Variants in NHS observed in about 807,000 individuals in gnomAD.
The protein encoded by NHS is NHS actin remodeling regulator.
A neutral mutation model predicts 72.5 loss-of-function variants in NHS; 5 were observed. The observed-to-expected ratio is 0.07, with a 90% CI of 0.04 to 0.14. The LOEUF (loss-of-function observed/expected upper bound fraction) is 0.14. Ranked by LOEUF, NHS falls within the 10% of genes least tolerant of loss-of-function variation. The probability of loss-of-function intolerance (pLI) is 1.00; values close to 1 mark genes in which losing one functional copy is unlikely to be tolerated. For missense variants in NHS, 1,072 were observed against 1,355.7 expected (o/e 0.79, Z 3.29); for synonymous variants, 464 against 547.7 (o/e 0.85, Z 2.13).
At chrX:17,687,310 C>T (rs1313297742) in intron 1 of NHS, 1 of 217,339 alleles carries the variant, frequency 4.6e-6, no homozygotes, top group African/African-American at 2.9e-5. Context: ...AGAACTACAG[C>T]TCTGAGGCCC....
At chrX:17,622,145 T>A (rs1001737936) in intron 1 of NHS, among the ~76,000 whole-genome samples, 3 of 112,070 alleles carry the variant, frequency 2.7e-5, no homozygotes, top group Non-Finnish European at 5.6e-5. Context: ...TGACTGAGTG[T>A]GTCTGAATTC....
At chrX:17,454,322 G>C (rs2064817490) in intron 1 of NHS, among the ~76,000 whole-genome samples, 1 of 111,805 alleles carries the variant, frequency 8.9e-6, no homozygotes, top group Non-Finnish European at 1.9e-5. Flanking sequence ...GAAAACATGG[G>C]CTACAGCAAG....
chrX:17,686,446 C>T (rs1014863407), intron 1 of NHS, among the ~76,000 whole-genome samples: 3 of 111,935 alleles, frequency 2.7e-5, no homozygotes, highest in African/African-American at 9.8e-5. Context: ...GTCACCTTGG[C>T]CCAGCCCTGT....
chrX:17,635,428 A>C, intron 1 of NHS: 2 of 1,163,153 alleles, frequency 1.7e-6, no homozygotes, highest in Admixed American at 5.2e-5. Flanking sequence ...TCCTTGCAGA[A>C]GGTTGCCCTC....
intron 1 of NHS, among the ~76,000 whole-genome samples, chrX:17,518,303 G>A (rs548686275): frequency 8.9e-6 from 1 of 112,116 alleles, no homozygotes; most frequent in Admixed American, 9.4e-5. Context: ...GCAAAGATGG[G>A]GATGTGTCAA....
At chrX:17,473,847 G>A (rs2064902359) in intron 1 of NHS, among the ~76,000 whole-genome samples, 1 of 111,302 alleles carries the variant, frequency 9.0e-6, no homozygotes, top group African/African-American at 3.3e-5. Flanking sequence ...TTTTTATGTG[G>A]TTATTACATA....
intron 1 of NHS, among the ~76,000 whole-genome samples, chrX:17,663,256 A>G (rs777799320): frequency 3.6e-5 from 4 of 111,940 alleles, no homozygotes; most frequent in Non-Finnish European, 5.6e-5. Flanking sequence ...TAATTTACAT[A>G]CAGTTGAGTT....
chrX:17,716,271 T>C (rs193257525), intron 3 of NHS, among the ~76,000 whole-genome samples: 1 of 112,036 alleles, frequency 8.9e-6, no homozygotes, highest in East Asian at 2.8e-4. Flanking sequence ...GGAAAAAATA[T>C]TCAACAGGAG....
chrX:17,705,912 A>G (rs1461976369), intron 3 of NHS, among the ~76,000 whole-genome samples: 1 of 112,334 alleles, frequency 8.9e-6, no homozygotes. Context: ...AAGGTCATGA[A>G]AAACAAAGAC....
intron 1 of NHS, among the ~76,000 whole-genome samples, chrX:17,523,065 G>A: frequency 8.9e-6 from 1 of 112,343 alleles, no homozygotes; most frequent in Non-Finnish European, 1.9e-5. Flanking sequence ...ACTCACATTG[G>A]TGACTGTCTT....
At chrX:17,527,265 C>T (rs1286872500) in intron 1 of NHS, among the ~76,000 whole-genome samples, 3 of 113,077 alleles carry the variant, frequency 2.7e-5, no homozygotes, top group East Asian at 5.6e-4. Flanking sequence ...CCTTGGAGGG[C>T]TCTGCAGTGG....
intron 1 of NHS, among the ~76,000 whole-genome samples, chrX:17,497,023 T>G (rs1156954153): frequency 8.9e-6 from 1 of 111,905 alleles, no homozygotes; most frequent in Non-Finnish European, 1.9e-5. Context: ...AAAAAGAAAC[T>G]CATGGTTATT....
intron 1 of NHS, among the ~76,000 whole-genome samples, chrX:17,519,276 C>T (rs961085346): frequency 3.4e-4 from 38 of 112,096 alleles, no homozygotes; most frequent in Admixed American, 1.2e-3. Flanking sequence ...CTTGACATCT[C>T]GAGACCTCAC....
intron 1 of NHS, among the ~76,000 whole-genome samples, chrX:17,603,720 A>C (rs2065664232): frequency 8.9e-6 from 1 of 112,456 alleles, no homozygotes; most frequent in Non-Finnish European, 1.9e-5. Flanking sequence ...CACCACCTTA[A>C]CATTACTGCT....
At chrX:17,524,189 A>G (rs773879885) in intron 1 of NHS, among the ~76,000 whole-genome samples, 1 of 111,877 alleles carries the variant, frequency 8.9e-6, no homozygotes, top group African/African-American at 3.2e-5. Flanking sequence ...AGATTCACTA[A>G]TTGTTCATAT....
At chrX:17,409,358 C>G (rs1011826085) in intron 1 of NHS, among the ~76,000 whole-genome samples, 6 of 103,795 alleles carry the variant, frequency 5.8e-5, no homozygotes, top group Non-Finnish European at 1.2e-4. Flanking sequence ...GTGCCCTTGT[C>G]TTTTCCTTCC....
intron 1 of NHS, among the ~76,000 whole-genome samples, chrX:17,507,470 C>G (rs1274571495): frequency 8.9e-6 from 1 of 111,814 alleles, no homozygotes. Context: ...TAATGAAGAT[C>G]AAAGTGAAAA....
chrX:17,409,904 C>G (rs1408948388), intron 1 of NHS, among the ~76,000 whole-genome samples: 2 of 111,741 alleles, frequency 1.8e-5, no homozygotes, highest in African/African-American at 3.3e-5. Context: ...CAGGGTAGGA[C>G]TTGAGCAAAA....
intron 1 of NHS, among the ~76,000 whole-genome samples, chrX:17,494,972 C>T (rs1378599289): frequency 4.5e-5 from 5 of 112,116 alleles, no homozygotes; most frequent in Non-Finnish European, 9.4e-5. Flanking sequence ...CAGTTCAGCT[C>T]GAGAACAGTT....
Sources: gnomAD v4.1 joint callset for allele counts (sites outside exome capture counted in the v4.1 genomes callset) on GRCh38, gnomAD v4.1.1 for gene constraint, MANE v1.5 for transcripts, NCBI Gene and HGNC (gene_info 2026-07-23, HGNC 2026-07-21) for gene names.